The following AQP7 variants were observed in gnomAD, a reference collection of about 807,000 sequenced individuals.
AQP7 encodes the protein aquaporin 7, also known as aquaporin-7.
A neutral mutation model predicts 26.1 loss-of-function variants in AQP7; 22 were observed. The ratio of observed to expected loss-of-function variants is 0.84; its 90% CI spans 0.60 to 1.20. The LOEUF (loss-of-function observed/expected upper bound fraction) is 1.20. Ranked by LOEUF, AQP7 falls within the 50% of genes most tolerant of loss-of-function variation. The pLI is 0.00. For missense variants in AQP7, 412 were observed against 457.5 expected, an observed-to-expected ratio of 0.90 and a Z score of 0.91; for synonymous variants, 167 against 181.7, an observed-to-expected ratio of 0.92 and a Z score of 0.65.
intron 3 of AQP7, 34 bp from the exon 4 acceptor site, chr9:33,387,126 C>T (rs1156622869): frequency 6.3e-7 from 1 of 1,594,374 alleles, no homozygotes; most frequent in African/African-American, 1.3e-5. Flanking sequence ...GGCTGCCTGC[C>T]CAGAAGCCCC....
chr9:33,400,587 G>T (rs1826194167), intron 2 of AQP7, among the ~76,000 whole-genome samples: 1 of 152,144 alleles, frequency 6.6e-6, no homozygotes, highest in Non-Finnish European at 1.5e-5. Flanking sequence ...TTCAAGAACA[G>T]CCTGGCGAAC....
intron 2 of AQP7, 67 bp downstream of exon 2, chr9:33,401,170 G>A: frequency 6.6e-7 from 1 of 1,512,484 alleles, no homozygotes; most frequent in African/African-American, 1.4e-5. Context: ...ATGGAACAGG[G>A]AGGGCACTGA....
rs1243034602 is a variant in AQP7 at position 33,387,229 on chromosome 9, C to G, written c.145-137G>C. 7 of 1,028,064 alleles carry G rather than the reference C, an allele frequency of 6.8e-6. No individual in the cohort carries two copies. In the Admixed American group the frequency reaches 1.8e-4, roughly 26 times the overall value. 63.7% of individuals were successfully genotyped at this position (1,028,064 alleles called of 1,614,324 possible). A position where few individuals can be genotyped will look rare whatever the true frequency, so the allele number is the denominator to read the frequency against. On this transcript the variant is annotated intron_variant, in intron 3 of 7. Coordinates refer to ENST00000297988, the MANE Select transcript of AQP7 (RefSeq NM_001170.3). ...TGCCTCGAAGACCCGCTGCCACGCC[C>G]TCTTCCTCCAGAGCCTTCCCTCCTC...
At chr9:33,389,733 T>C (rs942281082) in intron 3 of AQP7, among the ~76,000 whole-genome samples, 2 of 151,804 alleles carry the variant, frequency 1.3e-5, no homozygotes, top group African/African-American at 4.8e-5. Context: ...CAGGAGAGGG[T>C]ACAGGGTAAG....
chr9:33,388,281 G>A (rs1319371240), intron 3 of AQP7, among the ~76,000 whole-genome samples: 6 of 152,224 alleles, frequency 3.9e-5, no homozygotes, highest in Middle Eastern at 3.4e-3. Context: ...CCCGTTGGCC[G>A]AGCCAGAAAC....
Position 33,385,924 on chromosome 9 carries a change from G to A in AQP7, c.526-58C>T, listed in dbSNP as rs552052139. On this transcript the variant is annotated intron_variant, in intron 6 of 7. Coordinates refer to ENST00000297988, the MANE Select transcript of AQP7 (RefSeq NM_001170.3). ...GCCCCTCCCCAAGCCACAGGACCTC[G>A]GCAGTGCCCCAGACCCAAGCCCACC... 3.8e-5 allele frequency: 59 copies of A among 1,570,580 alleles called. No homozygotes were observed. In the African/African-American group the frequency reaches 5.4e-4, roughly 14 times the overall value.
rs1824533488 is a variant in AQP7 at position 33,383,932 on chromosome 9, C to G, written c.*1073G>C. ...GCACTCACCTTCTTCCATATAATTACCTGTCCCCCATTAAACTGCAACCCT... is the reference window on the plus strand; with the variant it reads ...GCACTCACCTTCTTCCATATAATTAGCTGTCCCCCATTAAACTGCAACCCT... On this transcript the variant is annotated 3_prime_UTR_variant, in exon 8 of 8. Coordinates refer to ENST00000297988, the MANE Select transcript of AQP7 (RefSeq NM_001170.3). The G allele has an allele frequency of 6.6e-6, 1 of 152,410 alleles. No individual in the cohort carries two copies. The highest frequency in any genetic ancestry group is 1.5e-5 in the Non-Finnish European group (1 of 68,160). 9.4% of individuals were successfully genotyped at this position (152,410 alleles called of 1,614,324 possible). A position where few individuals can be genotyped will look rare whatever the true frequency, so the allele number is the denominator to read the frequency against.
At chr9:33,388,134 C>T (rs1479237143) in intron 3 of AQP7, among the ~76,000 whole-genome samples, 9 of 152,164 alleles carry the variant, frequency 5.9e-5, no homozygotes, top group South Asian at 2.1e-4. Flanking sequence ...CTAAAATTCC[C>T]GTCATCTCCG....
rs902020970 is a variant in AQP7, at chr9:33,384,817, C to A, written c.*188G>T. ...TTCCCCATTCTCCCCCTGGGGCACC[C>A]CAGTTCCCAGGGCATGAAAGACTTG... On this transcript the variant is annotated 3_prime_UTR_variant, in exon 8 of 8. Transcript: ENST00000297988. 3 of 663,816 alleles carry A rather than the reference C, an allele frequency of 4.5e-6. No individual in the cohort carries two copies. The African/African-American group carries it at 5.4e-5, about 12-fold the overall frequency. 41.1% of individuals were successfully genotyped at this position (663,816 alleles called of 1,614,324 possible). A position where few individuals can be genotyped will look rare whatever the true frequency, so the allele number is the denominator to read the frequency against.
Position 33,385,816 on chromosome 9 carries a change from C to T in AQP7, c.576G>A (p.Gln192=). The T allele has an allele frequency of 6.2e-7, 1 of 1,612,746 alleles. No individual in the cohort carries two copies. The highest frequency in any genetic ancestry group is 1.1e-5 in the South Asian group (1 of 91,022). ...LQLCLFAITD[Q]ENNPALPGTE... is the part of the protein sequence containing the mutation. ...TTCCTGGCAGTGCTGGGTTGTTCTC[C>T]TGGTCCGTGATGGCGAAGAGACACA... The change falls in exon 7 of 8, where the codon CAG becomes CAA. Residue 192 remains glutamine, a synonymous_variant. Coordinates refer to ENST00000297988, the MANE Select transcript of AQP7 (RefSeq NM_001170.3).
intron 2 of AQP7, among the ~76,000 whole-genome samples, chr9:33,400,839 T>C (rs1302259871): frequency 2.7e-5 from 4 of 148,078 alleles, no homozygotes; most frequent in Admixed American, 1.3e-4. Context: ...AAACTCAGTG[T>C]GGCTGGAGGA....
At chr9:33,392,440 A>T (rs1825494092) in intron 3 of AQP7, among the ~76,000 whole-genome samples, 1 of 152,170 alleles carries the variant, frequency 6.6e-6, no homozygotes, top group African/African-American at 2.4e-5. Flanking sequence ...TACCTACTTC[A>T]CAGGGCTATT....
Position 33,384,623 on chromosome 9 carries a change from G to A in AQP7, c.*382C>T, listed in dbSNP as rs1015338821. 2 of 174,992 alleles carry A rather than the reference G, an allele frequency of 1.1e-5. No homozygotes were observed. The highest frequency in any genetic ancestry group is 4.7e-5 in the African/African-American group (2 of 42,106). The allele number at this position is 174,992 out of a possible 1,614,324, so 10.8% of individuals were successfully genotyped here. ...CAGGGAAGGGAAGAACCAGGGGAGAGTCTAGAGTCCAATCTCAGGATCCCC... is the reference window on the plus strand; with the variant it reads ...CAGGGAAGGGAAGAACCAGGGGAGAATCTAGAGTCCAATCTCAGGATCCCC... On this transcript the variant is annotated 3_prime_UTR_variant, in exon 8 of 8. Transcript: ENST00000297988.
At position 33,385,410 on chromosome 9, in the gene AQP7, C is replaced by T. The variant is rs1824653632; in HGVS notation, c.744-120G>A. ...TCCCCAGGCTACCCCAGGAAACACC[C>T]CCAACCCAGGGCCCTGGTCAGCCTC... is the stretch of plus-strand genomic sequence containing the variant. On this transcript the variant is annotated intron_variant, in intron 7 of 7. Coordinates refer to ENST00000297988, the MANE Select transcript of AQP7 (RefSeq NM_001170.3). 4.9e-6 allele frequency: 6 copies of T among 1,233,552 alleles called. No homozygotes were observed. The South Asian group carries it at 8.7e-5, about 18-fold the overall frequency. 76.4% of individuals were successfully genotyped at this position (1,233,552 alleles called of 1,614,324 possible). A position where few individuals can be genotyped will look rare whatever the true frequency, so the allele number is the denominator to read the frequency against.
At chr9:33,388,029 AG>A (rs1825031053) in intron 3 of AQP7, among the ~76,000 whole-genome samples, 1 of 151,938 alleles carries the variant, frequency 6.6e-6, no homozygotes, top group South Asian at 2.1e-4. Flanking sequence ...CAGACACCAA[AG>A]CTCTCTCCAA....
Position 33,386,148 on chromosome 9 carries a change from C to T in AQP7, c.454G>A (p.Val152Ile), listed in dbSNP as rs76608797. The T allele has an allele frequency of 3.7e-5, 60 of 1,613,988 alleles. 2 individuals carry two copies. Among genetic ancestry groups the T allele is most frequent in the East Asian group, 1.6e-4 (7 of 44,888 alleles). The change falls in exon 6 of 8, where the codon GTC (valine) becomes ATC (isoleucine). Residue 152 changes from valine (V) to isoleucine (I), a missense_variant. By Grantham distance (29) the Val-to-Ile change is conservative (BLOSUM62 3). Transcript: ENST00000297988. Reference sequence around the variant, plus strand: ...GTGGCAAAAATGCCAGCTGTAGCGACGGGACCGGTCACCATCAGCTGTCCA... The same window carrying T: ...GTGGCAAAAATGCCAGCTGTAGCGATGGGACCGGTCACCATCAGCTGTCCA... ...SGGQLMVTGP[V>I]ATAGIFATYL...
At chr9:33,386,946 C>T (rs148102986) in intron 4 of AQP7, 23 bp downstream of exon 4, 70 of 1,611,044 alleles carry the variant, frequency 4.3e-5, no homozygotes, top group African/African-American at 2.3e-4. Flanking sequence ...TTGCCCGGTC[C>T]GGCAGGGCCT....
At chr9:33,398,507 A>G (rs893560619) in intron 2 of AQP7, among the ~76,000 whole-genome samples, 3 of 152,232 alleles carry the variant, frequency 2.0e-5, no homozygotes, top group Non-Finnish European at 2.9e-5. Flanking sequence ...GGCAGCGCCA[A>G]TGGCCAAAAG....
chr9:33,392,979 G>C (rs1008650758), intron 3 of AQP7, among the ~76,000 whole-genome samples: 77 of 152,322 alleles, frequency 5.1e-4, no homozygotes, highest in African/African-American at 1.8e-3. Context: ...AGCAATCCCA[G>C]CACTTTGGGA....
Sources: allele counts gnomAD v4.1 joint callset (sites outside exome capture counted in the v4.1 genomes callset), GRCh38; gene constraint gnomAD v4.1.1; transcripts MANE v1.5; gene names NCBI Gene and HGNC (gene_info 2026-07-23, HGNC 2026-07-21).